The following TRAPPC9 variants were observed in gnomAD, a reference collection of about 807,000 sequenced individuals.
The protein encoded by TRAPPC9 is trafficking protein particle complex subunit 9.
Under a neutral mutation model 124.0 loss-of-function variants are expected in TRAPPC9, and 83 were observed. The observed-to-expected ratio is 0.67, with a 90% confidence interval of 0.56 to 0.80. The LOEUF (loss-of-function observed/expected upper bound fraction) is 0.80, where lower values mean the gene tolerates loss of function less well. Ranked by LOEUF, TRAPPC9 falls within the 30% of genes least tolerant of loss-of-function variation. TRAPPC9 has a pLI of 0.00. For synonymous variants in TRAPPC9, 638 were observed against 617.5 expected, an observed-to-expected ratio of 1.03 and a Z score of -0.49; for missense variants, 1,302 against 1,508.3, an observed-to-expected ratio of 0.86 and a Z score of 2.27.
chr8:140,075,948 T>C (rs1396691384), intron 17 of TRAPPC9, among the ~76,000 whole-genome samples: 2 of 152,240 alleles, frequency 1.3e-5, no homozygotes, highest in Admixed American at 6.5e-5. Flanking sequence ...TCTCTTATGA[T>C]AGCCCACTTC....
intron 6 of TRAPPC9, among the ~76,000 whole-genome samples, chr8:140,402,763 T>C (rs998746288): frequency 1.3e-5 from 2 of 150,394 alleles, no homozygotes; most frequent in Non-Finnish European, 3.0e-5. Context: ...ATAGATAAAA[T>C]ATGGTGCTGA....
intron 17 of TRAPPC9, among the ~76,000 whole-genome samples, chr8:140,079,079 C>G (rs557984820): frequency 6.6e-6 from 1 of 152,210 alleles, no homozygotes; most frequent in African/African-American, 2.4e-5. Flanking sequence ...ATAAGTCTCA[C>G]GAGATCTGAT....
At chr8:139,754,222 C>T (rs372371762) in intron 21 of TRAPPC9, among the ~76,000 whole-genome samples, 10 of 152,324 alleles carry the variant, frequency 6.6e-5, no homozygotes, top group East Asian at 3.9e-4. Flanking sequence ...TGCTTTCCTT[C>T]CCTGGGAAAT....
intron 19 of TRAPPC9, among the ~76,000 whole-genome samples, chr8:139,959,120 G>C (rs1835210604): frequency 6.6e-6 from 1 of 152,172 alleles, no homozygotes; most frequent in Non-Finnish European, 1.5e-5. Context: ...AGTCACACAG[G>C]GGACTGGCTC....
intron 13 of TRAPPC9, among the ~76,000 whole-genome samples, chr8:140,287,189 A>G (rs2065509026): frequency 6.6e-6 from 1 of 152,164 alleles, no homozygotes; most frequent in African/African-American, 2.4e-5. Flanking sequence ...ATTTAGCCCA[A>G]AAAATACTGC....
chr8:140,030,711 T>C (rs150788026), intron 17 of TRAPPC9, among the ~76,000 whole-genome samples: 36 of 152,280 alleles, frequency 2.4e-4, no homozygotes, highest in African/African-American at 8.7e-4. Flanking sequence ...ATACACAACA[T>C]GGAAGAATCC....
At chr8:140,042,624 C>G (rs1413486049) in intron 17 of TRAPPC9, among the ~76,000 whole-genome samples, 1 of 152,248 alleles carries the variant, frequency 6.6e-6, no homozygotes. Flanking sequence ...CCTACGCTTG[C>G]TCTCCACGGC....
chr8:140,342,166 G>A (rs2067214841), intron 9 of TRAPPC9, among the ~76,000 whole-genome samples: 1 of 152,170 alleles, frequency 6.6e-6, no homozygotes. Context: ...AAGCAGGACT[G>A]CACTGCACTG....
At chr8:140,199,097 TGGAGCTGG>T (rs1413024094) in intron 17 of TRAPPC9, among the ~76,000 whole-genome samples, 1 of 151,918 alleles carries the variant, frequency 6.6e-6, no homozygotes, top group Non-Finnish European at 1.5e-5. Context: ...GAAGAATGGG[TGGAGCTGG>T]GGAGCTGTAT....
intron 21 of TRAPPC9, among the ~76,000 whole-genome samples, chr8:139,869,157 T>C (rs78027836): frequency 6.6e-6 from 1 of 152,250 alleles, no homozygotes; most frequent in East Asian, 1.9e-4. Flanking sequence ...TAAAAAGACT[T>C]TGAAGTTGGA....
At chr8:139,917,630 A>G (rs1055048269) in intron 19 of TRAPPC9, among the ~76,000 whole-genome samples, 1 of 152,196 alleles carries the variant, frequency 6.6e-6, no homozygotes, top group African/African-American at 2.4e-5. Flanking sequence ...CCCCGCTGCC[A>G]AGCAACAGGC....
intron 17 of TRAPPC9, among the ~76,000 whole-genome samples, chr8:140,037,248 A>T (rs1301780261): frequency 1.6e-4 from 24 of 152,158 alleles, no homozygotes; most frequent in Admixed American, 1.6e-3. Context: ...AGCAGCTTTC[A>T]CATCTGGGTT....
chr8:139,983,890 CTCA>C (rs2131680164), intron 19 of TRAPPC9, among the ~76,000 whole-genome samples: 1 of 152,330 alleles, frequency 6.6e-6, no homozygotes, highest in African/African-American at 2.4e-5. Context: ...TGATCAGCCA[CTCA>C]TTTTGCTTAT....
At chr8:139,839,032 T>C (rs1347083863) in intron 21 of TRAPPC9, among the ~76,000 whole-genome samples, 3 of 152,170 alleles carry the variant, frequency 2.0e-5, no homozygotes, top group African/African-American at 4.8e-5. Context: ...ATTTAGAAGA[T>C]GCATCTCCTG....
chr8:140,318,944 A>G (rs2066513878), intron 9 of TRAPPC9, among the ~76,000 whole-genome samples: 1 of 152,200 alleles, frequency 6.6e-6, no homozygotes, highest in African/African-American at 2.4e-5. Flanking sequence ...GAGGAATAAA[A>G]GGACACAAGG....
chr8:140,323,798 G>A (rs1012217219), intron 9 of TRAPPC9, among the ~76,000 whole-genome samples: 1 of 151,994 alleles, frequency 6.6e-6, no homozygotes, highest in Non-Finnish European at 1.5e-5. Context: ...AATACAAGAT[G>A]GTAGACTTGA....
At chr8:140,093,251 G>A (rs1241459581) in intron 17 of TRAPPC9, among the ~76,000 whole-genome samples, 1 of 152,210 alleles carries the variant, frequency 6.6e-6, no homozygotes, top group African/African-American at 2.4e-5. Context: ...GCAGGAAGTT[G>A]CTACGGGGTC....
chr8:139,974,825 G>A (rs901870175), intron 19 of TRAPPC9, among the ~76,000 whole-genome samples: 4 of 152,062 alleles, frequency 2.6e-5, no homozygotes, highest in Admixed American at 1.3e-4. Flanking sequence ...CCAGGTTTCC[G>A]TGGTCTTCCA....
At chr8:140,039,770 G>A in intron 17 of TRAPPC9, 1 of 152,258 alleles carries the variant, frequency 6.6e-6, no homozygotes. Context: ...GCCGGTCAGA[G>A]TATGTGGCTT....
Sources: gnomAD v4.1 joint callset for allele counts (sites outside exome capture counted in the v4.1 genomes callset) on GRCh38, gnomAD v4.1.1 for gene constraint, MANE v1.5 for transcripts, NCBI Gene and HGNC (gene_info 2026-07-23, HGNC 2026-07-21) for gene names.